The following ARHGEF18 variants were observed in gnomAD, a reference collection of about 807,000 sequenced individuals.
ARHGEF18 encodes the protein rho guanine nucleotide exchange factor 18.
A neutral mutation model predicts 155.7 loss-of-function variants in ARHGEF18; 93 were observed. The observed-to-expected ratio is 0.60, with a 90% CI of 0.50 to 0.71. The LOEUF (loss-of-function observed/expected upper bound fraction) is 0.71, where lower values mean the gene tolerates loss of function less well. Among genes scored for constraint, ARHGEF18 ranks in the 30% least tolerant of loss-of-function variants. ARHGEF18 has a pLI of 0.00. For missense variants in ARHGEF18, 1,593 were observed against 1,816.1 expected, an observed-to-expected ratio of 0.88 and a Z score of 2.23; for synonymous variants, 742 against 753.1, an observed-to-expected ratio of 0.99 and a Z score of 0.24.
At chr19:7,426,166 A>C (rs1005866329) in intron 10 of ARHGEF18, among the ~76,000 whole-genome samples, 1 of 152,044 alleles carries the variant, frequency 6.6e-6, no homozygotes, top group African/African-American at 2.4e-5. Flanking sequence ...TCAACAGAGC[A>C]AGACCCTGTC....
In ARHGEF18 at chr19:7,464,653, GTGACATTCC is replaced by G; in HGVS notation, c.2870_2878del (p.Asp957_Pro959del). On this transcript the variant is annotated inframe_deletion, in exon 23 of 29. Coordinates refer to ENST00000668164, the MANE Select transcript of ARHGEF18 (RefSeq NM_001367823.1). ...AGCCCGGACTTGAAGCTCAGTGACAGTGACATTCCTGGGAGCTCTGAGGAATCGCCGCAG... is the reference window on the plus strand; with the variant it reads ...AGCCCGGACTTGAAGCTCAGTGACAGTGGGAGCTCTGAGGAATCGCCGCAG... 1 of 1,614,072 alleles carries G rather than the reference GTGACATTCC, an allele frequency of 6.2e-7. No homozygotes were observed. The highest frequency in any genetic ancestry group is 1.3e-5 in the African/African-American group (1 of 75,048).
In ARHGEF18 at chr19:7,444,435, G is replaced by A; in HGVS notation, c.1592G>A (p.Gly531Asp). The change falls in exon 14 of 29, where the codon GGC (glycine) becomes GAC (aspartate). Residue 531 changes from glycine to aspartate, a missense_variant. By Grantham distance (94) the Gly-to-Asp change is moderately conservative. Coordinates refer to ENST00000668164, the MANE Select transcript of ARHGEF18 (RefSeq NM_001367823.1). This position sits in a 1 kb window ranked among gnomAD's most constrained non-coding sequence, Gnocchi z 4.7. The part of the protein sequence containing the change: ...SDRNYVIQKI[G>D]DLLVQQFSGE... ...CGGAATTATGTCATCCAGAAAATCG[G>A]CGACCTCCTGGTTCAGCAGGTGGGT... 6.2e-7 allele frequency: 1 copy of A among 1,613,542 alleles called. No homozygotes were observed. Among genetic ancestry groups the A allele is most frequent in the Non-Finnish European group, 8.5e-7 (1 of 1,179,936 alleles).
chr19:7,414,376 A>T (rs1317511595), intron 10 of ARHGEF18, among the ~76,000 whole-genome samples: 11 of 152,134 alleles, frequency 7.2e-5, no homozygotes, highest in Admixed American at 7.2e-4. Flanking sequence ...TTAAAAAGTC[A>T]TAATAATACT....
intron 10 of ARHGEF18, chr19:7,439,593 G>T: frequency 1.2e-6 from 1 of 822,580 alleles, no homozygotes; most frequent in Non-Finnish European, 1.5e-6. Flanking sequence ...TGTTGATGTT[G>T]GGTTGGTTTA....
chr19:7,413,755 TAAAC>T (rs1003250904), intron 10 of ARHGEF18, among the ~76,000 whole-genome samples: 7 of 152,054 alleles, frequency 4.6e-5, no homozygotes, highest in East Asian at 3.9e-4. Context: ...CTCCAAAAAA[TAAAC>T]AAACAAACAA....
chr19:7,413,658 A>T (rs556355648), intron 10 of ARHGEF18, among the ~76,000 whole-genome samples: 1 of 152,188 alleles, frequency 6.6e-6, no homozygotes, highest in Admixed American at 6.6e-5. Context: ...GCTACTTGGG[A>T]GATAGGGAGA....
intron 17 of ARHGEF18, among the ~76,000 whole-genome samples, chr19:7,455,821 GA>G (rs1975790295): frequency 6.6e-6 from 1 of 151,758 alleles, no homozygotes; most frequent in South Asian, 2.1e-4. Context: ...GGCAAAGAGA[GA>G]GGGAGCTTGT....
Position 7,444,030 on chromosome 19 carries a change from G to A in ARHGEF18, c.1361-174G>A, listed in dbSNP as rs980940988. The stretch of plus-strand genomic sequence containing the variant: ...CTGCTCCTTCAGGCTGGGATCCCCC[G>A]CAGCATTCTAAACCCTGGACACCCT... On this transcript the variant is annotated intron_variant, in intron 13 of 28. Transcript: ENST00000668164. The surrounding 1 kb of genome is among the most constrained non-coding windows in gnomAD (Gnocchi z 4.7). Among the ~76,000 whole-genome samples the A allele has an allele frequency of 7.9e-5, 12 of 152,112 alleles. No individual in the cohort carries two copies. The highest frequency in any genetic ancestry group is 3.3e-4 in the Admixed American group (5 of 15,258).
At chr19:7,361,991 G>GGAAGAAGAAGAAGAAGAGGAA (rs1969570627) in intron 1 of ARHGEF18, among the ~76,000 whole-genome samples, 6 of 79,112 alleles carry the variant, frequency 7.6e-5, no homozygotes, top group Non-Finnish European at 9.7e-5. Context: ...AAGACTCTGT[G>GGAAGAAGAAGAAGAAGAGGAA]GAAGAAGAAG....
intron 10 of ARHGEF18, among the ~76,000 whole-genome samples, chr19:7,385,874 CCCT>C (rs1971015310): frequency 9.8e-5 from 6 of 61,254 alleles, no homozygotes; most frequent in African/African-American, 7.4e-4. Context: ...TCTCTCTCCC[CCCT>C]CCCTCTCTCC....
chr19:7,378,850 G>A (rs1375219787), intron 6 of ARHGEF18, among the ~76,000 whole-genome samples: 1 of 151,838 alleles, frequency 6.6e-6, no homozygotes, highest in Admixed American at 6.6e-5. Context: ...CCGCCACCAC[G>A]CCCGGCTAAT....
the ARHGEF18 span, chr19:7,477,494 G>A: frequency 7.7e-7 from 1 of 1,302,896 alleles, no homozygotes; most frequent in South Asian, 1.7e-5. Context: ...CCCTTCCCAA[G>A]CCCCTGAATG....
At chr19:7,367,059 C>A (rs1271053595) in intron 2 of ARHGEF18, among the ~76,000 whole-genome samples, 2 of 152,062 alleles carry the variant, frequency 1.3e-5, no homozygotes, top group Admixed American at 6.6e-5. Context: ...ACGGCCCTGG[C>A]CCCCTGACTC....
Position 7,402,004 on chromosome 19 carries a change from A to T in ARHGEF18, c.967+18801A>T, listed in dbSNP as rs2434443. 2.3e-4 allele frequency among the ~76,000 whole-genome samples: 35 copies of T among 152,346 alleles called. No individual in the cohort carries two copies. The East Asian group carries it at 3.3e-3, about 14-fold the overall frequency. On this transcript the variant is annotated intron_variant, in intron 10 of 28. Coordinates refer to ENST00000668164, the MANE Select transcript of ARHGEF18 (RefSeq NM_001367823.1). Reference sequence around the variant, plus strand: ...GTATGATTCCATTTATATGAAATGTATACAACAGGCAAATCCACAAGGACA... The same window carrying T: ...GTATGATTCCATTTATATGAAATGTTTACAACAGGCAAATCCACAAGGACA...
chr19:7,376,819 A>C, intron 5 of ARHGEF18, 62 bp downstream of exon 5: 7 of 1,102,710 alleles, frequency 6.3e-6, no homozygotes, highest in Non-Finnish European at 8.1e-6. Flanking sequence ...CCTGGCCAAC[A>C]TGGTGAAACC....
downstream of ARHGEF18, among the ~76,000 whole-genome samples, chr19:7,473,681 G>T (rs1392120298): frequency 1.3e-5 from 2 of 151,418 alleles, no homozygotes; most frequent in Admixed American, 6.6e-5. Context: ...GTGGTGGCGG[G>T]CGCCTGTAGT....
At chr19:7,361,571 G>A (rs1423576513) in intron 1 of ARHGEF18, among the ~76,000 whole-genome samples, 1 of 152,186 alleles carries the variant, frequency 6.6e-6, no homozygotes. Context: ...ACATCTGTAT[G>A]CAATTGTTCA....
intron 10 of ARHGEF18, among the ~76,000 whole-genome samples, chr19:7,416,559 G>GTGTGTA (rs1568314270): frequency 6.7e-6 from 1 of 149,298 alleles, no homozygotes; most frequent in Non-Finnish European, 1.5e-5. Flanking sequence ...GTGTGTGTGT[G>GTGTGTA]TGTGTGTGTG....
chr19:7,403,536 T>C (rs1035466223), intron 10 of ARHGEF18, among the ~76,000 whole-genome samples: 4 of 148,560 alleles, frequency 2.7e-5, no homozygotes, highest in Non-Finnish European at 5.9e-5. Context: ...GCTTTTTCTT[T>C]CTTTCTTTCT....
Sources: gnomAD v4.1 joint callset for allele counts (sites outside exome capture counted in the v4.1 genomes callset) on GRCh38, gnomAD v4.1.1 for gene constraint, Gnocchi (gnomAD v3.1) non-coding constraint, MANE v1.5 for transcripts, NCBI Gene and HGNC (gene_info 2026-07-23, HGNC 2026-07-21) for gene names.